The following GULP1 variants were observed in gnomAD, a reference collection of about 807,000 sequenced individuals.
GULP1 encodes the protein GULP PTB domain containing engulfment adaptor 1, also known as PTB domain-containing engulfment adapter protein 1.
A neutral mutation model predicts 40.9 loss-of-function variants in GULP1; 19 were observed. That is an observed-to-expected ratio of 0.46 (90% CI 0.32 to 0.68). The LOEUF is 0.68. Among genes scored for constraint, GULP1 ranks in the 30% least tolerant of loss-of-function variants. The pLI is 0.03. For missense variants in GULP1, 312 were observed against 362.2 expected (o/e 0.86, Z 1.12); for synonymous variants, 119 against 117.6 (o/e 1.01, Z -0.08).
At chr2:188,381,115 A>T (rs1559172663) in intron 1 of GULP1, among the ~76,000 whole-genome samples, 1 of 152,154 alleles carries the variant, frequency 6.6e-6, no homozygotes, top group Non-Finnish European at 1.5e-5. Flanking sequence ...TGTTCAAAAG[A>T]GCAGCCCCTA....
At chr2:188,363,504 G>A (rs2046355331) in intron 1 of GULP1, among the ~76,000 whole-genome samples, 1 of 152,168 alleles carries the variant, frequency 6.6e-6, no homozygotes, top group Non-Finnish European at 1.5e-5. Context: ...GCAGAATCAA[G>A]ATTTGCAGTT....
intron 1 of GULP1, among the ~76,000 whole-genome samples, chr2:188,332,810 T>C (rs900265090): frequency 6.6e-6 from 1 of 152,136 alleles, no homozygotes; most frequent in African/African-American, 2.4e-5. Flanking sequence ...TTTGATATGG[T>C]TAGAGCACTG....
chr2:188,302,121 T>A (rs1574237017), intron 1 of GULP1, among the ~76,000 whole-genome samples: 2 of 152,314 alleles, frequency 1.3e-5, no homozygotes, highest in East Asian at 3.9e-4. Context: ...CTTTACAGAC[T>A]ACTTGGGTTT....
chr2:188,303,600 T>A (rs1452667189), intron 1 of GULP1, among the ~76,000 whole-genome samples: 1 of 152,110 alleles, frequency 6.6e-6, no homozygotes, highest in East Asian at 1.9e-4. Context: ...AAGGCTAATG[T>A]ATTAGAACTG....
At chr2:188,534,928 C>A (rs1688525953) in intron 6 of GULP1, among the ~76,000 whole-genome samples, 1 of 151,824 alleles carries the variant, frequency 6.6e-6, no homozygotes, top group South Asian at 2.1e-4. Context: ...TCCTATATTG[C>A]CTTACCAAAA....
At chr2:188,577,293 T>C (rs958575460) in intron 9 of GULP1, among the ~76,000 whole-genome samples, 9 of 152,154 alleles carry the variant, frequency 5.9e-5, no homozygotes, top group Admixed American at 3.9e-4. Flanking sequence ...GTATATTTCA[T>C]TGTGGATAAA....
At chr2:188,507,951 A>G (rs1231901723) in intron 4 of GULP1, among the ~76,000 whole-genome samples, 1 of 151,972 alleles carries the variant, frequency 6.6e-6, no homozygotes, top group African/African-American at 2.4e-5. Context: ...ATGCTGCAAT[A>G]TAGTTCTGTA....
In GULP1 at chr2:188,356,536, G is replaced by GAC. The variant is rs570533718; in HGVS notation, c.-171-27215_-171-27214dup. On this transcript the variant is annotated intron_variant, in intron 1 of 11. Coordinates refer to ENST00000409830, the MANE Select transcript of GULP1 (RefSeq NM_016315.4). ...AACATTGATGAGAGAAATTGAGAAGGACACACACACACAAATGGAAAGATA... is the reference window on the plus strand; with the variant it reads ...AACATTGATGAGAGAAATTGAGAAGGACACACACACACACAAATGGAAAGATA... Among the ~76,000 whole-genome samples the GAC allele has an allele frequency of 1.6e-3, 247 of 151,712 alleles. 1 individual carries two copies. Among genetic ancestry groups the GAC allele is most frequent in the African/African-American group, 5.8e-3 (239 of 41,416 alleles).
chr2:188,474,402 T>A (rs1275215909), intron 2 of GULP1, among the ~76,000 whole-genome samples: 1 of 152,164 alleles, frequency 6.6e-6, no homozygotes, highest in Non-Finnish European at 1.5e-5. Context: ...TTGTGGTAAC[T>A]AAAGTTTCGA....
At chr2:188,519,837 C>A (rs1168850583) in intron 4 of GULP1, among the ~76,000 whole-genome samples, 1 of 151,988 alleles carries the variant, frequency 6.6e-6, no homozygotes, top group Non-Finnish European at 1.5e-5. Context: ...TGAGACAGGG[C>A]CTCACTGTGT....
At chr2:188,463,250 T>C (rs1034646663) in intron 2 of GULP1, among the ~76,000 whole-genome samples, 1 of 152,192 alleles carries the variant, frequency 6.6e-6, no homozygotes, top group Non-Finnish European at 1.5e-5. Flanking sequence ...AAAAGGTTTA[T>C]TTCTCCTTCA....
chr2:188,579,363 T>C (rs1349718526), intron 9 of GULP1, among the ~76,000 whole-genome samples: 1 of 151,982 alleles, frequency 6.6e-6, no homozygotes, highest in East Asian at 1.9e-4. Context: ...TAATATGTAA[T>C]CTATTTTTAT....
At chr2:188,351,285 A>G (rs2044412489) in intron 1 of GULP1, among the ~76,000 whole-genome samples, 1 of 152,142 alleles carries the variant, frequency 6.6e-6, no homozygotes, top group Admixed American at 6.6e-5. Flanking sequence ...AGACTTGATG[A>G]AAGAGGATTA....
At chr2:188,525,725 T>TA (rs1686006845) in intron 5 of GULP1, among the ~76,000 whole-genome samples, 1 of 152,186 alleles carries the variant, frequency 6.6e-6, no homozygotes, top group Non-Finnish European at 1.5e-5. Flanking sequence ...AAATTAAAGT[T>TA]ACACGAAATT....
At chr2:188,406,763 T>C (rs573250344) in intron 2 of GULP1, among the ~76,000 whole-genome samples, 5 of 152,118 alleles carry the variant, frequency 3.3e-5, no homozygotes, top group East Asian at 1.9e-4. Context: ...TTATCAGAGT[T>C]CATGAGGAAG....
chr2:188,313,237 G>A (rs952033932), intron 1 of GULP1, among the ~76,000 whole-genome samples: 2 of 152,086 alleles, frequency 1.3e-5, no homozygotes, highest in African/African-American at 4.8e-5. Flanking sequence ...TTCTCCTAGG[G>A]TTTTTATGGT....
chr2:188,573,086 A>G (rs916257546), intron 9 of GULP1, among the ~76,000 whole-genome samples: 1 of 152,220 alleles, frequency 6.6e-6, no homozygotes, highest in African/African-American at 2.4e-5. Flanking sequence ...TAAAATTGCT[A>G]AAATTTAAAT....
chr2:188,368,660 A>G (rs1013233927), intron 1 of GULP1, among the ~76,000 whole-genome samples: 2 of 151,958 alleles, frequency 1.3e-5, no homozygotes, highest in Non-Finnish European at 2.9e-5. Context: ...CAAAGAAAAT[A>G]CAGAAGCCAA....
At chr2:188,466,292 T>A (rs200975332) in intron 2 of GULP1, among the ~76,000 whole-genome samples, 1 of 148,008 alleles carries the variant, frequency 6.8e-6, no homozygotes, top group Non-Finnish European at 1.5e-5. Context: ...GGTTTTTTTT[T>A]CCCCCCCCGG....
Sources: gnomAD v4.1 joint callset for allele counts (sites outside exome capture counted in the v4.1 genomes callset) on GRCh38, gnomAD v4.1.1 for gene constraint, MANE v1.5 for transcripts, NCBI Gene and HGNC (gene_info 2026-07-23, HGNC 2026-07-21) for gene names.